The following HEMK2 variants were observed in gnomAD, a reference collection of about 807,000 sequenced individuals.
The protein encoded by HEMK2 is methyltransferase HEMK2.
At chr21:28,643,797 C>A in the HEMK2 span, among the ~76,000 whole-genome samples, 1 of 152,182 alleles carries the variant, frequency 6.6e-6, no homozygotes, top group Non-Finnish European at 1.5e-5. Flanking sequence ...TTCTAGCAGC[C>A]TGAATAGACT....
At chr21:28,614,300 GT>G in the HEMK2 span, among the ~76,000 whole-genome samples, 9 of 150,456 alleles carry the variant, frequency 6.0e-5, no homozygotes, top group South Asian at 6.3e-4. Flanking sequence ...AATCTGGTGG[GT>G]TTTTTTTTAA....
At chr21:28,851,025 C>T in the HEMK2 span, among the ~76,000 whole-genome samples, 1 of 151,940 alleles carries the variant, frequency 6.6e-6, no homozygotes, top group Non-Finnish European at 1.5e-5. Flanking sequence ...GTGCACACCC[C>T]ACCTATGGCT....
the HEMK2 span, chr21:28,883,164 T>C: frequency 1.3e-6 from 1 of 747,292 alleles, no homozygotes; most frequent in Non-Finnish European, 2.0e-6. Context: ...CATATATATT[T>C]CTCTAGCATC....
the HEMK2 span, among the ~76,000 whole-genome samples, chr21:28,576,892 G>A: frequency 6.6e-6 from 1 of 152,086 alleles, no homozygotes; most frequent in Admixed American, 6.5e-5. Flanking sequence ...CATATTTTTA[G>A]TAAAGATAGG....
the HEMK2 span, among the ~76,000 whole-genome samples, chr21:28,796,959 C>G: frequency 6.6e-6 from 1 of 152,132 alleles, no homozygotes. Context: ...TCCAGGGTCA[C>G]TATTTTGTAT....
chr21:28,815,271 C>T, the HEMK2 span, among the ~76,000 whole-genome samples: 2 of 151,520 alleles, frequency 1.3e-5, no homozygotes, highest in African/African-American at 4.9e-5. Context: ...AGGGGAGATA[C>T]CTAATGCTAA....
At chr21:28,581,689 G>A in the HEMK2 span, among the ~76,000 whole-genome samples, 1 of 152,202 alleles carries the variant, frequency 6.6e-6, no homozygotes, top group East Asian at 1.9e-4. Context: ...TTCTATCTCA[G>A]GGTATTGTAT....
chr21:28,813,911 T>C, the HEMK2 span, among the ~76,000 whole-genome samples: 3 of 152,144 alleles, frequency 2.0e-5, no homozygotes, highest in Non-Finnish European at 4.4e-5. Flanking sequence ...CCTTACACCT[T>C]AAACAAAAAT....
the HEMK2 span, among the ~76,000 whole-genome samples, chr21:28,724,162 G>A: frequency 2.0e-4 from 31 of 152,262 alleles, no homozygotes; most frequent in African/African-American, 6.0e-4. Flanking sequence ...AGTTATTAAC[G>A]TGCTTTTTAT....
chr21:28,590,633 A>T, the HEMK2 span, among the ~76,000 whole-genome samples: 1 of 152,200 alleles, frequency 6.6e-6, no homozygotes. Context: ...AAATTGTTAA[A>T]GATTTGTGGT....
the HEMK2 span, chr21:28,876,184 C>T: frequency 2.7e-6 from 1 of 367,394 alleles, no homozygotes; most frequent in Non-Finnish European, 4.8e-6. Context: ...ATTTAAAATG[C>T]AAACTATAAA....
At chr21:28,836,685 T>C in the HEMK2 span, among the ~76,000 whole-genome samples, 4 of 152,144 alleles carry the variant, frequency 2.6e-5, no homozygotes, top group Admixed American at 6.5e-5. Flanking sequence ...ATGTAAATGA[T>C]GTAAATGCTC....
chr21:28,766,047 C>T, the HEMK2 span, among the ~76,000 whole-genome samples: 1 of 151,986 alleles, frequency 6.6e-6, no homozygotes, highest in African/African-American at 2.4e-5. Context: ...AGCAAAGTAT[C>T]ACAAGGACAG....
chr21:28,857,668 T>C, the HEMK2 span, among the ~76,000 whole-genome samples: 2 of 152,358 alleles, frequency 1.3e-5, no homozygotes, highest in Middle Eastern at 3.4e-3. Flanking sequence ...CATTTAACCT[T>C]GTCTGTTATT....
the HEMK2 span, among the ~76,000 whole-genome samples, chr21:28,662,454 G>A: frequency 5.9e-5 from 9 of 152,070 alleles, no homozygotes; most frequent in Non-Finnish European, 1.2e-4. Context: ...CCAGGTCCAG[G>A]CACCATGAAG....
chr21:28,853,140 C>A, the HEMK2 span, among the ~76,000 whole-genome samples: 1 of 152,158 alleles, frequency 6.6e-6, no homozygotes, highest in East Asian at 1.9e-4. Context: ...ATCTTCTGGA[C>A]CCTCCCAGCT....
At chr21:28,731,715 C>A in the HEMK2 span, among the ~76,000 whole-genome samples, 1 of 151,252 alleles carries the variant, frequency 6.6e-6, no homozygotes, top group South Asian at 2.1e-4. Context: ...ATGTAGCTAA[C>A]CTGCACATTG....
the HEMK2 span, among the ~76,000 whole-genome samples, chr21:28,838,464 G>T: frequency 1.3e-5 from 2 of 151,960 alleles, no homozygotes; most frequent in African/African-American, 4.8e-5. Flanking sequence ...AACCCAGGAG[G>T]TGGAGCTTGC....
chr21:28,662,214 A>G, the HEMK2 span, among the ~76,000 whole-genome samples: 1,436 of 152,254 alleles, frequency 9.4e-3, 22 homozygotes, highest in Non-Finnish European at 0.012. Context: ...TGATACGTGT[A>G]AACTGTACAC....
Sources: allele counts gnomAD v4.1 joint callset (sites outside exome capture counted in the v4.1 genomes callset), GRCh38; gene constraint gnomAD v4.1.1; transcripts MANE v1.5; gene names NCBI Gene and HGNC (gene_info 2026-07-23, HGNC 2026-07-21).